MCU: variants seen among roughly 807,000 people sequenced by gnomAD.
MCU encodes the protein mitochondrial calcium uniporter, also known as calcium uniporter protein, mitochondrial.
A neutral mutation model predicts 45.2 loss-of-function variants in MCU; 12 were observed. The observed-to-expected ratio is 0.27, with a 90% CI of 0.17 to 0.43. MCU has a LOEUF of 0.43. Among genes scored for constraint, MCU ranks in the 20% least tolerant of loss-of-function variants. The pLI is 1.00. For synonymous variants in MCU, 160 were observed against 165.1 expected (o/e 0.97, Z 0.24); for missense variants, 324 against 436.7 (o/e 0.74, Z 2.30).
At chr10:72,738,255 T>C (rs1843278301) in intron 1 of MCU, among the ~76,000 whole-genome samples, 1 of 152,142 alleles carries the variant, frequency 6.6e-6, no homozygotes, top group African/African-American at 2.4e-5. Flanking sequence ...GAGAAATTGC[T>C]CCCACTCTTT....
chr10:72,879,210 CTG>C (rs1845663554), intron 6 of MCU, among the ~76,000 whole-genome samples: 1 of 152,170 alleles, frequency 6.6e-6, no homozygotes, highest in African/African-American at 2.4e-5. Context: ...TTGCAGTGAA[CTG>C]AGATCACACC....
At chr10:72,865,355 G>A (rs771057991) in intron 4 of MCU, among the ~76,000 whole-genome samples, 5 of 152,126 alleles carry the variant, frequency 3.3e-5, no homozygotes, top group Non-Finnish European at 7.4e-5. Flanking sequence ...ATAAATTGAA[G>A]TGTGAACTTA....
intron 1 of MCU, among the ~76,000 whole-genome samples, chr10:72,702,961 A>G (rs1274224332): frequency 7.3e-5 from 11 of 150,948 alleles, no homozygotes; most frequent in Non-Finnish European, 1.3e-4. Context: ...CTGGACAACA[A>G]GAACGAAACT....
intron 1 of MCU, among the ~76,000 whole-genome samples, chr10:72,757,354 A>G (rs1843593167): frequency 6.6e-6 from 1 of 152,174 alleles, no homozygotes. Context: ...TGTTTCAGGG[A>G]AAAACATGAA....
At chr10:72,692,641 C>T (rs1293163533) in intron 1 of MCU, 10 of 1,145,716 alleles carry the variant, frequency 8.7e-6, no homozygotes, top group Admixed American at 4.4e-5. Flanking sequence ...CAGCCCTGCC[C>T]CAAGGCTCCC....
intron 1 of MCU, among the ~76,000 whole-genome samples, chr10:72,713,354 A>G (rs1410559806): frequency 6.6e-6 from 1 of 152,112 alleles, no homozygotes; most frequent in Non-Finnish European, 1.5e-5. Flanking sequence ...ATCTCGGCTC[A>G]CTGCAACCTC....
chr10:72,836,101 C>T (rs1417245644), intron 2 of MCU, among the ~76,000 whole-genome samples: 1 of 151,716 alleles, frequency 6.6e-6, no homozygotes, highest in Admixed American at 6.6e-5. Flanking sequence ...TGCAGGGTGC[C>T]ATCATTAGAT....
intron 1 of MCU, among the ~76,000 whole-genome samples, chr10:72,748,019 A>ATTAAGT (rs1202107760): frequency 6.6e-6 from 1 of 151,664 alleles, no homozygotes; most frequent in Non-Finnish European, 1.5e-5. Context: ...CCTTTTTTTC[A>ATTAAGT]TACTTAATCT....
At position 72,723,973 on chromosome 10, in the gene MCU, T is replaced by A. The variant is rs150870080; in HGVS notation, c.150+31672T>A. Among the ~76,000 whole-genome samples, 1,038 of 152,340 alleles carry A rather than the reference T, an allele frequency of 6.8e-3. 11 individuals carry two copies. Among genetic ancestry groups the A allele is most frequent in the African/African-American group, 0.024 (990 of 41,584 alleles). On this transcript the variant is annotated intron_variant, in intron 1 of 7. Coordinates refer to ENST00000373053, the MANE Select transcript of MCU (RefSeq NM_138357.3). ...ATCTTCGAGAACGTTTAACACAAACTGTCAGATTCTTCTAAGGTCATTGGA... is the reference window on the plus strand; with the variant it reads ...ATCTTCGAGAACGTTTAACACAAACAGTCAGATTCTTCTAAGGTCATTGGA...
At chr10:72,778,965 A>G (rs1843944632) in intron 1 of MCU, among the ~76,000 whole-genome samples, 1 of 152,012 alleles carries the variant, frequency 6.6e-6, no homozygotes, top group Non-Finnish European at 1.5e-5. Context: ...ATTCAGAAGT[A>G]TATTTTCTTT....
chr10:72,800,507 C>T (rs560635848), intron 1 of MCU, among the ~76,000 whole-genome samples: 27 of 152,282 alleles, frequency 1.8e-4, no homozygotes, highest in African/African-American at 6.3e-4. Flanking sequence ...TAATGCAAAA[C>T]AGATGGAAAA....
chr10:72,853,014 A>G (rs1398804621), intron 2 of MCU, among the ~76,000 whole-genome samples: 1 of 152,292 alleles, frequency 6.6e-6, no homozygotes, highest in South Asian at 2.1e-4. Flanking sequence ...GATCTGTCCT[A>G]AAATAATTTT....
intron 2 of MCU, among the ~76,000 whole-genome samples, chr10:72,857,487 C>T (rs1171312845): frequency 6.6e-6 from 1 of 152,078 alleles, no homozygotes; most frequent in African/African-American, 2.4e-5. Flanking sequence ...ATCTGCCCAC[C>T]TCGGCCTCCC....
At chr10:72,796,464 A>G (rs573014700) in intron 1 of MCU, among the ~76,000 whole-genome samples, 3 of 152,272 alleles carry the variant, frequency 2.0e-5, no homozygotes, top group African/African-American at 7.2e-5. Context: ...CTTTAAAACA[A>G]CAATTAAGGA....
intron 2 of MCU, among the ~76,000 whole-genome samples, chr10:72,856,041 C>T (rs543804102): frequency 3.4e-4 from 52 of 152,314 alleles, no homozygotes; most frequent in African/African-American, 1.2e-3. Flanking sequence ...TGCATTGACA[C>T]CCTTCTCAGC....
intron 1 of MCU, among the ~76,000 whole-genome samples, chr10:72,727,602 C>G (rs1204264869): frequency 6.6e-6 from 1 of 152,192 alleles, no homozygotes; most frequent in African/African-American, 2.4e-5. Context: ...ACTCTTAACT[C>G]CTAGAGTACT....
At chr10:72,833,215 C>T in intron 1 of MCU, among the ~76,000 whole-genome samples, 1 of 152,130 alleles carries the variant, frequency 6.6e-6, no homozygotes, top group East Asian at 1.9e-4. Context: ...GTATTATTCA[C>T]TGTATGGGAC....
intron 1 of MCU, among the ~76,000 whole-genome samples, chr10:72,790,712 T>C (rs1020901330): frequency 5.9e-5 from 9 of 152,318 alleles, no homozygotes; most frequent in East Asian, 5.8e-4. Flanking sequence ...TAGGGAAGGC[T>C]GGTGCTACAT....
At chr10:72,829,550 A>G (rs1471980955) in intron 1 of MCU, among the ~76,000 whole-genome samples, 1 of 151,574 alleles carries the variant, frequency 6.6e-6, no homozygotes, top group African/African-American at 2.4e-5. Flanking sequence ...ACTTCTTGAT[A>G]TATTTTTCAA....
Sources: allele counts gnomAD v4.1 joint callset (sites outside exome capture counted in the v4.1 genomes callset), GRCh38; gene constraint gnomAD v4.1.1; transcripts MANE v1.5; gene names NCBI Gene and HGNC (gene_info 2026-07-23, HGNC 2026-07-21).